RCBTB1: variants seen among roughly 807,000 people sequenced by gnomAD.
The protein encoded by RCBTB1 is RCC1 and BTB domain containing protein 1.
RCBTB1 carries 46 observed loss-of-function variants against 62.4 expected under a neutral mutation model. The observed-to-expected ratio is 0.74, with a 90% CI of 0.58 to 0.94. The LOEUF (loss-of-function observed/expected upper bound fraction) is 0.94. Among genes scored for constraint, RCBTB1 ranks in the 40% least tolerant of loss-of-function variants. The pLI is 0.00. For missense variants in RCBTB1, 565 were observed against 654.9 expected (o/e 0.86, Z 1.50); for synonymous variants, 222 against 245.8 (o/e 0.90, Z 0.91).
In RCBTB1 at chr13:49,562,852, C is replaced by T. The variant is rs1408808040; in HGVS notation, c.278-2768G>A. Among the ~76,000 whole-genome samples, 4 of 147,170 alleles carry T rather than the reference C, an allele frequency of 2.7e-5. No individual in the cohort carries two copies. The Admixed American group carries it at 2.7e-4, about 10-fold the overall frequency. On this transcript the variant is annotated intron_variant, in intron 4 of 12. Transcript: ENST00000378302. ...GTTGACCAGGCTGGTCTTGAACTCC[C>T]GGCCTGGAGCAAACGTCCTGCCTTG...
At chr13:49,556,092 C>T (rs964322651) in intron 5 of RCBTB1, among the ~76,000 whole-genome samples, 15 of 151,934 alleles carry the variant, frequency 9.9e-5, no homozygotes, top group Non-Finnish European at 1.9e-4. Flanking sequence ...ATAGGAAATG[C>T]GGTATATGCC....
At chr13:49,545,310 C>G (rs1367087011) in intron 9 of RCBTB1, among the ~76,000 whole-genome samples, 1 of 152,132 alleles carries the variant, frequency 6.6e-6, no homozygotes, top group Non-Finnish European at 1.5e-5. Context: ...AAGAAACAAA[C>G]TTACCACTTA....
chr13:49,552,711 G>C (rs1961486432), intron 6 of RCBTB1, among the ~76,000 whole-genome samples: 1 of 152,132 alleles, frequency 6.6e-6, no homozygotes, highest in Admixed American at 6.6e-5. Flanking sequence ...AAGGAGGAAG[G>C]CTTTAGCTCT....
At chr13:49,562,223 G>C (rs1225820318) in intron 4 of RCBTB1, among the ~76,000 whole-genome samples, 2 of 151,954 alleles carry the variant, frequency 1.3e-5, no homozygotes, top group Non-Finnish European at 2.9e-5. Flanking sequence ...GATCAAGAAA[G>C]AACACTTGGA....
At chr13:49,565,643 G>A (rs1351351990) in intron 4 of RCBTB1, among the ~76,000 whole-genome samples, 3 of 142,322 alleles carry the variant, frequency 2.1e-5, no homozygotes, top group Admixed American at 6.9e-5. Context: ...CCGTCTGGGA[G>A]GTGAGGAGCG....
chr13:49,534,375 T>C (rs1208325395), intron 12 of RCBTB1, 113 bp from the exon 13 acceptor site: 7 of 1,120,158 alleles, frequency 6.2e-6, no homozygotes, highest in Non-Finnish European at 8.8e-6. Context: ...AGAAAAGATA[T>C]TTGAGAGGCC....
At position 49,540,983 on chromosome 13, in the gene RCBTB1, A is replaced by G. The variant is rs774836893; in HGVS notation, c.1348T>C (p.Tyr450His). ...AGTTTTTTCAGTCTGTTTTCACAGT[A>G]AGATGTCGCCAAATCCAGAAGACCT... ...AIGLLDLATS[Y>H]CENRLKKLCQ... Residue 450 changes from tyrosine to histidine, a missense_variant, in exon 12 of 13, where the codon TAC (tyrosine) becomes CAC (histidine). Transcript: ENST00000378302. 4.3e-6 allele frequency: 7 copies of G among 1,612,808 alleles called. No individual in the cohort carries two copies. The African/African-American group carries it at 6.7e-5, about 15-fold the overall frequency.
chr13:49,581,059 G>A (rs1964066343), intron 1 of RCBTB1, among the ~76,000 whole-genome samples: 4 of 152,184 alleles, frequency 2.6e-5, no homozygotes, highest in African/African-American at 9.6e-5. Context: ...CTGAAAGAAA[G>A]TCAGCATGGC....
intron 12 of RCBTB1, among the ~76,000 whole-genome samples, chr13:49,536,921 T>C (rs879257338): frequency 3.3e-5 from 5 of 152,220 alleles, no homozygotes; most frequent in African/African-American, 4.8e-5. Flanking sequence ...ACTATTCCAA[T>C]TCAATATATA....
chr13:49,576,498 G>A (rs141996607), intron 2 of RCBTB1, among the ~76,000 whole-genome samples: 2 of 152,224 alleles, frequency 1.3e-5, no homozygotes, highest in African/African-American at 2.4e-5. Flanking sequence ...ATCATGTCTT[G>A]AGAATATAAG....
chr13:49,553,564 T>C (rs1961575759), intron 6 of RCBTB1, among the ~76,000 whole-genome samples: 1 of 152,152 alleles, frequency 6.6e-6, no homozygotes, highest in Admixed American at 6.6e-5. Context: ...ACAGGAGTGT[T>C]AAAGGTTCCA....
intron 5 of RCBTB1, among the ~76,000 whole-genome samples, chr13:49,558,316 G>A (rs1194568100): frequency 6.6e-6 from 1 of 152,154 alleles, no homozygotes; most frequent in African/African-American, 2.4e-5. Context: ...AAGAGGCTGT[G>A]GCCACATGCA....
rs1411496098 is a variant in RCBTB1 at position 49,552,287 on chromosome 13, T to C, written c.604-2A>G. The C allele has an allele frequency of 6.3e-7, 1 of 1,581,816 alleles. No individual in the cohort carries two copies. The highest frequency in any genetic ancestry group is 1.1e-5 in the South Asian group (1 of 87,942). On this transcript the variant is annotated splice_acceptor_variant, in intron 6 of 12. Coordinates refer to ENST00000378302, the MANE Select transcript of RCBTB1 (RefSeq NM_018191.4). LOFTEE classifies it high-confidence loss of function. The stretch of plus-strand genomic sequence containing the variant: ...GCCATTGTAACCCCAGCCATATACC[T>C]TAGAGAGGACAGAAGGGAGAGAGTG...
chr13:49,558,696 A>C (rs1219458036), intron 5 of RCBTB1, among the ~76,000 whole-genome samples: 1 of 87,618 alleles, frequency 1.1e-5, no homozygotes, highest in African/African-American at 6.3e-5. Context: ...CTCTGTCTCC[A>C]AAAAAAAAAA....
intron 1 of RCBTB1, among the ~76,000 whole-genome samples, chr13:49,582,154 G>T (rs1320848205): frequency 6.6e-6 from 1 of 152,340 alleles, no homozygotes; most frequent in East Asian, 1.9e-4. Flanking sequence ...AACTCAATGG[G>T]CCTTAAGAAA....
chr13:49,540,771 A>G lies in RCBTB1; in HGVS notation c.1455+105T>C, dbSNP rs1346476833. On this transcript the variant is annotated intron_variant, in intron 12 of 12. Transcript: ENST00000378302. ...CAATGGGTTCACTGATTCCCTAAAC[A>G]GAAGTGGAGTGACTCATCGTTTTCC... 3.3e-6 allele frequency: 4 copies of G among 1,225,758 alleles called. No individual in the cohort carries two copies. In the Admixed American group the frequency reaches 7.4e-5, roughly 23 times the overall value. The allele number at this position is 1,225,758 out of a possible 1,614,324, so 75.9% of individuals were successfully genotyped here. A position where few individuals can be genotyped will look rare whatever the true frequency, so the allele number is the denominator to read the frequency against.
chr13:49,578,035 T>C (rs1484675380), intron 2 of RCBTB1, among the ~76,000 whole-genome samples: 2 of 152,146 alleles, frequency 1.3e-5, no homozygotes, highest in African/African-American at 4.8e-5. Flanking sequence ...TGATAAAATC[T>C]AAAGGGCCTT....
At chr13:49,581,450 G>A (rs778835827) in intron 1 of RCBTB1, among the ~76,000 whole-genome samples, 49 of 152,200 alleles carry the variant, frequency 3.2e-4, no homozygotes, top group Middle Eastern at 3.2e-3. Context: ...AGGCCTCAGG[G>A]GTGATGAGTC....
At chr13:49,542,718 T>G (rs75091607) in intron 10 of RCBTB1, among the ~76,000 whole-genome samples, 2 of 151,970 alleles carry the variant, frequency 1.3e-5, no homozygotes, top group Admixed American at 6.6e-5. Context: ...TTTTTTTTTT[T>G]GCATTGCCTG....
Sources: gnomAD v4.1 joint callset for allele counts (sites outside exome capture counted in the v4.1 genomes callset) on GRCh38, gnomAD v4.1.1 for gene constraint, MANE v1.5 for transcripts, NCBI Gene and HGNC (gene_info 2026-07-23, HGNC 2026-07-21) for gene names.